DMD: variants seen among roughly 807,000 people sequenced by gnomAD.
DMD encodes the protein dystrophin.
Under a neutral mutation model 330.1 loss-of-function variants are expected in DMD, and 63 were observed. The ratio of observed to expected loss-of-function variants is 0.19; its 90% CI spans 0.16 to 0.24. DMD has a LOEUF of 0.24. DMD is among the 10% of genes least tolerant of loss of function. The pLI is 1.00. For synonymous variants in DMD, 1,223 were observed against 959.8 expected, an observed-to-expected ratio of 1.27 and a Z score of -5.07; for missense variants, 3,344 against 2,684.1, an observed-to-expected ratio of 1.25 and a Z score of -5.43.
chrX:32,347,324 T>C (rs1341929957), intron 38 of DMD, among the ~76,000 whole-genome samples: 1 of 111,829 alleles, frequency 8.9e-6, no homozygotes, highest in Non-Finnish European at 1.9e-5. Context: ...CTTCACTTCT[T>C]TCCCTATACC....
At chrX:32,513,589 G>T (rs2045561243) in intron 18 of DMD, among the ~76,000 whole-genome samples, 1 of 111,860 alleles carries the variant, frequency 8.9e-6, no homozygotes, top group Non-Finnish European at 1.9e-5. Context: ...TCACTTTCAG[G>T]TTTCTGGATT....
At chrX:31,848,424 A>G (rs1329829924) in intron 48 of DMD, among the ~76,000 whole-genome samples, 1 of 111,836 alleles carries the variant, frequency 8.9e-6, no homozygotes, top group East Asian at 2.8e-4. Flanking sequence ...CGGCTTGTGT[A>G]AGGAGAAAGT....
intron 61 of DMD, among the ~76,000 whole-genome samples, chrX:31,336,444 C>T (rs12009758): frequency 8.9e-6 from 1 of 112,187 alleles, no homozygotes; most frequent in East Asian, 2.8e-4. Flanking sequence ...GCTTTGTATT[C>T]TAGGACAGAT....
chrX:31,780,813 G>C (rs1035217721), intron 50 of DMD, among the ~76,000 whole-genome samples: 20 of 111,494 alleles, frequency 1.8e-4, no homozygotes, highest in African/African-American at 5.9e-4. Flanking sequence ...TCACTCTAAA[G>C]AGTAAATAAA....
chrX:33,037,462 T>C (rs1419115514), intron 1 of DMD, among the ~76,000 whole-genome samples: 3 of 111,666 alleles, frequency 2.7e-5, no homozygotes, highest in African/African-American at 9.8e-5. Flanking sequence ...TACCCTTGTC[T>C]GCATAGGGCC....
chrX:32,346,471 T>A (rs189753512), intron 38 of DMD, among the ~76,000 whole-genome samples: 1 of 111,661 alleles, frequency 9.0e-6, no homozygotes, highest in Non-Finnish European at 1.9e-5. Context: ...CATAAAGGAA[T>A]ACAGATGTGT....
At chrX:32,777,219 T>TAC (rs1196050716) in intron 7 of DMD, among the ~76,000 whole-genome samples, 1 of 84,020 alleles carries the variant, frequency 1.2e-5, no homozygotes, top group African/African-American at 4.6e-5. Context: ...GTCAGAATCT[T>TAC]ACATCTAGGG....
chrX:32,565,147 C>T (rs990118847), intron 16 of DMD, among the ~76,000 whole-genome samples: 3 of 110,777 alleles, frequency 2.7e-5, no homozygotes, highest in East Asian at 2.8e-4. Flanking sequence ...ATCTACAGCC[C>T]GTATGTGTTA....
chrX:32,760,095 T>C (rs1011196363), intron 7 of DMD, among the ~76,000 whole-genome samples: 2 of 64,128 alleles, frequency 3.1e-5, no homozygotes. Flanking sequence ...CTTGTAATTA[T>C]TCTTCTTAAA....
intron 7 of DMD, among the ~76,000 whole-genome samples, chrX:32,776,629 G>A (rs1246718293): frequency 9.0e-6 from 1 of 110,867 alleles, no homozygotes; most frequent in Non-Finnish European, 1.9e-5. Context: ...ATCACAAGAA[G>A]AGCATGGGGA....
At chrX:33,131,879 T>C (rs1379893287) in intron 1 of DMD, among the ~76,000 whole-genome samples, 1 of 112,201 alleles carries the variant, frequency 8.9e-6, no homozygotes, top group Non-Finnish European at 1.9e-5. Context: ...GGGGAAAGCG[T>C]ATCAATGTTG....
In DMD at chrX:32,253,196, A is replaced by T. The variant is rs188712814; in HGVS notation, c.6290+34333T>A. Among the ~76,000 whole-genome samples the T allele has an allele frequency of 1.1e-3, 122 of 108,719 alleles. 1 individual carries two copies. The highest frequency in any genetic ancestry group is 3.7e-3 in the African/African-American group (110 of 29,979). 94.4% of individuals were successfully genotyped at this position (108,719 alleles called of 115,157 possible). A position where few individuals can be genotyped will look rare whatever the true frequency, so the allele number is the denominator to read the frequency against. ...CTCTAAAAAATAGATGAAGATAAGA[A>T]GATAAGTATTTAAATGAAAAAATTG... On this transcript the variant is annotated intron_variant, in intron 43 of 78. Coordinates refer to ENST00000357033, the MANE Select transcript of DMD (RefSeq NM_004006.3).
At chrX:32,393,420 C>G (rs757122325) in intron 30 of DMD, among the ~76,000 whole-genome samples, 30 of 111,575 alleles carry the variant, frequency 2.7e-4, no homozygotes, top group Admixed American at 8.6e-4. Flanking sequence ...ATGGTTACCA[C>G]TATTTTGATC....
chrX:33,107,308 G>T (rs1346683476), intron 1 of DMD, among the ~76,000 whole-genome samples: 1 of 14,758 alleles, frequency 6.8e-5, no homozygotes, highest in Non-Finnish European at 1.1e-4. Context: ...GCGAAGCTCT[G>T]TCCCCCCCCC....
At chrX:32,232,425 C>G (rs896062437) in intron 43 of DMD, among the ~76,000 whole-genome samples, 4 of 111,032 alleles carry the variant, frequency 3.6e-5, no homozygotes, top group African/African-American at 1.3e-4. Context: ...ATTTCACCCC[C>G]ACTCCTACCC....
intron 1 of DMD, among the ~76,000 whole-genome samples, chrX:33,331,530 A>G (rs1370142972): frequency 1.8e-5 from 2 of 111,930 alleles, no homozygotes; most frequent in Non-Finnish European, 3.8e-5. Context: ...TAACAATGTC[A>G]TGACCAGAGC....
chrX:32,385,683 G>C (rs1481067605), intron 33 of DMD, among the ~76,000 whole-genome samples: 1 of 110,281 alleles, frequency 9.1e-6, no homozygotes, highest in East Asian at 2.8e-4. Context: ...TCTTGAATTA[G>C]CAGTGAAGTG....
intron 50 of DMD, among the ~76,000 whole-genome samples, chrX:31,808,995 T>C (rs2092376620): frequency 9.1e-6 from 1 of 109,895 alleles, no homozygotes; most frequent in Admixed American, 9.9e-5. Flanking sequence ...TTATATTGTG[T>C]ATTCATACAT....
At chrX:32,604,978 C>T (rs2056564914) in intron 12 of DMD, among the ~76,000 whole-genome samples, 1 of 110,789 alleles carries the variant, frequency 9.0e-6, no homozygotes, top group Non-Finnish European at 1.9e-5. Context: ...CCACACTGCT[C>T]AAAGCAATTT....
Sources: gnomAD v4.1 joint callset for allele counts (sites outside exome capture counted in the v4.1 genomes callset) on GRCh38, gnomAD v4.1.1 for gene constraint, MANE v1.5 for transcripts, NCBI Gene and HGNC (gene_info 2026-07-23, HGNC 2026-07-21) for gene names.